Variants in NRXN3 observed in about 807,000 individuals in gnomAD.
NRXN3 encodes the protein neurexin III.
In NRXN3, 32 loss-of-function variants were observed where a neutral mutation model predicts 137.6. That is an observed-to-expected ratio of 0.23 (90% CI 0.18 to 0.31). The LOEUF is 0.31. Ranked by LOEUF, NRXN3 falls within the 10% of genes least tolerant of loss-of-function variation. NRXN3 has a pLI of 1.00. For missense variants in NRXN3, 1,574 were observed against 2,062.5 expected (o/e 0.76, Z 4.59); for synonymous variants, 798 against 784.5 (o/e 1.02, Z -0.29).
At chr14:79,470,360 G>C (rs2096484142) in intron 16 of NRXN3, among the ~76,000 whole-genome samples, 1 of 152,090 alleles carries the variant, frequency 6.6e-6, no homozygotes, top group African/African-American at 2.4e-5. Context: ...GTACTGGCAG[G>C]TCTGGTGTCT....
intron 19 of NRXN3, among the ~76,000 whole-genome samples, chr14:79,757,800 T>G (rs926478868): frequency 1.3e-5 from 2 of 152,142 alleles, no homozygotes; most frequent in South Asian, 4.1e-4. Flanking sequence ...TAAATCACTC[T>G]CAACTTTTTA....
At chr14:79,821,014 T>G (rs192316752) in intron 20 of NRXN3, among the ~76,000 whole-genome samples, 1 of 152,036 alleles carries the variant, frequency 6.6e-6, no homozygotes, top group African/African-American at 2.4e-5. Context: ...GCAAACAAAA[T>G]GAAGAGATGA....
chr14:79,295,823 G>A (rs2083996487), intron 15 of NRXN3, among the ~76,000 whole-genome samples: 1 of 152,096 alleles, frequency 6.6e-6, no homozygotes, highest in African/African-American at 2.4e-5. Context: ...CATAATATCT[G>A]GTCTGCAAAG....
intron 18 of NRXN3, 126 bp from the exon 19 acceptor site, chr14:79,697,504 G>T (rs1157831157): frequency 1.1e-4 from 98 of 903,022 alleles, no homozygotes; most frequent in South Asian, 8.2e-4. Flanking sequence ...AGGTTTTGTT[G>T]TCTATTTTTT....
At chr14:79,337,483 A>G (rs535008165) in intron 15 of NRXN3, among the ~76,000 whole-genome samples, 1 of 152,258 alleles carries the variant, frequency 6.6e-6, no homozygotes, top group East Asian at 1.9e-4. Context: ...ATGGCGATAT[A>G]TTGCTTTCTT....
At chr14:79,178,656 A>T (rs2062606080) in intron 15 of NRXN3, among the ~76,000 whole-genome samples, 1 of 152,214 alleles carries the variant, frequency 6.6e-6, no homozygotes, top group South Asian at 2.1e-4. Flanking sequence ...ACATGCTGTT[A>T]GGTTCTGTGT....
intron 16 of NRXN3, among the ~76,000 whole-genome samples, chr14:79,499,700 A>T (rs1240776977): frequency 2.0e-5 from 3 of 152,186 alleles, no homozygotes; most frequent in Non-Finnish European, 4.4e-5. Flanking sequence ...TGACATCTAG[A>T]TGAAAATTAG....
chr14:79,038,410 G>A (rs2099619760), intron 15 of NRXN3, among the ~76,000 whole-genome samples: 1 of 152,008 alleles, frequency 6.6e-6, no homozygotes, highest in Admixed American at 6.6e-5. Context: ...AAGATCAAAT[G>A]GATTGCTTTT....
At chr14:78,288,038 G>A (rs1252336171) in intron 3 of NRXN3, among the ~76,000 whole-genome samples, 1 of 151,790 alleles carries the variant, frequency 6.6e-6, no homozygotes, top group African/African-American at 2.4e-5. Flanking sequence ...GGAGTGCAGT[G>A]GCGCAATCTC....
At chr14:79,303,455 G>C (rs1329401034) in intron 15 of NRXN3, among the ~76,000 whole-genome samples, 1 of 152,076 alleles carries the variant, frequency 6.6e-6, no homozygotes, top group Admixed American at 6.6e-5. Flanking sequence ...GGCATGACTA[G>C]AGCATTGGAG....
intron 4 of NRXN3, among the ~76,000 whole-genome samples, chr14:78,358,841 G>A (rs1336591723): frequency 6.6e-6 from 1 of 152,168 alleles, no homozygotes; most frequent in Non-Finnish European, 1.5e-5. Context: ...GGGTAGACAA[G>A]CTCTGGGCCA....
intron 15 of NRXN3, among the ~76,000 whole-genome samples, chr14:79,379,315 G>A (rs959516566): frequency 8.5e-5 from 13 of 152,152 alleles, no homozygotes; most frequent in African/African-American, 3.1e-4. Context: ...AAGACAAATG[G>A]TGGGATGAGT....
intron 3 of NRXN3, among the ~76,000 whole-genome samples, chr14:78,279,314 T>G (rs937306523): frequency 6.6e-6 from 1 of 152,248 alleles, no homozygotes; most frequent in African/African-American, 2.4e-5. Flanking sequence ...GTCCTGGTTT[T>G]AAGCATTGCG....
chr14:79,828,348 G>A (rs2099311697), intron 20 of NRXN3, among the ~76,000 whole-genome samples: 1 of 151,990 alleles, frequency 6.6e-6, no homozygotes, highest in Admixed American at 6.6e-5. Context: ...GGCTGGGCAT[G>A]GTGGCTCACG....
intron 10 of NRXN3, among the ~76,000 whole-genome samples, chr14:78,879,185 C>G (rs566127136): frequency 1.3e-5 from 2 of 152,168 alleles, no homozygotes; most frequent in African/African-American, 4.8e-5. Flanking sequence ...CTGCAGATAT[C>G]TCTTTGTCAT....
intron 1 of NRXN3, among the ~76,000 whole-genome samples, chr14:78,214,462 T>G (rs1285668079): frequency 6.6e-6 from 1 of 152,200 alleles, no homozygotes. Context: ...CCAAAATTCC[T>G]GATTTTTCCA....
rs764152092 is a variant in NRXN3, at chr14:78,555,213, A to C, written c.758-89907A>C. Among the ~76,000 whole-genome samples, 19 of 152,314 alleles carry C rather than the reference A, an allele frequency of 1.2e-4. 1 individual carries two copies. Among genetic ancestry groups the C allele is most frequent in the Non-Finnish European group, 2.4e-4 (16 of 68,032 alleles). ...TAAGCACAAAATAAATAGCACTATG[A>C]CATTTAACACTATAACATTTAACTT... is the stretch of plus-strand genomic sequence containing the variant. On this transcript the variant is annotated intron_variant, in intron 4 of 20. Transcript: ENST00000335750.
At chr14:79,678,666 G>C (rs1472654560) in intron 17 of NRXN3, among the ~76,000 whole-genome samples, 1 of 152,102 alleles carries the variant, frequency 6.6e-6, no homozygotes. Flanking sequence ...AAACCAAGAA[G>C]ACTGCAGGCT....
Position 79,085,452 on chromosome 14 carries a change from C to T in NRXN3, c.3262+97311C>T, listed in dbSNP as rs184454739. Among the ~76,000 whole-genome samples, 149 of 151,988 alleles carry T rather than the reference C, an allele frequency of 9.8e-4. 3 individuals carry two copies. The highest frequency in any genetic ancestry group is 1.4e-3 in the Non-Finnish European group (96 of 67,968). ...ATAATAAAGAAGTTTTTGAACGTGCCCATTTTATTTTTAACGCTTCAATGT... is the reference window on the plus strand; with the variant it reads ...ATAATAAAGAAGTTTTTGAACGTGCTCATTTTATTTTTAACGCTTCAATGT... On this transcript the variant is annotated intron_variant, in intron 15 of 20. Coordinates refer to ENST00000335750, the MANE Select transcript of NRXN3 (RefSeq NM_001330195.2).
Sources: gnomAD v4.1 joint callset for allele counts (sites outside exome capture counted in the v4.1 genomes callset) on GRCh38, gnomAD v4.1.1 for gene constraint, MANE v1.5 for transcripts, NCBI Gene and HGNC (gene_info 2026-07-23, HGNC 2026-07-21) for gene names.